The following IGF2R variants were observed in gnomAD, a reference collection of about 807,000 sequenced individuals.
IGF2R encodes insulin like growth factor 2 receptor.
Under a neutral mutation model 270.6 loss-of-function variants are expected in IGF2R, and 91 were observed. The observed-to-expected ratio is 0.34, with a 90% CI of 0.28 to 0.40. The LOEUF is 0.40. IGF2R is among the 10% of genes least tolerant of loss of function. The pLI is 1.00. For missense variants in IGF2R, 2,805 were observed against 3,188.3 expected, an observed-to-expected ratio of 0.88 and a Z score of 2.90; for synonymous variants, 1,316 against 1,258.9, an observed-to-expected ratio of 1.05 and a Z score of -0.96.
chr6:159,990,938 A>G (rs553151682), intron 1 of IGF2R, among the ~76,000 whole-genome samples: 40 of 152,274 alleles, frequency 2.6e-4, no homozygotes, highest in Admixed American at 2.4e-3. Context: ...AGATACTTCT[A>G]TTTTGATAAT....
intron 1 of IGF2R, among the ~76,000 whole-genome samples, chr6:159,974,029 A>G (rs1267615301): frequency 6.6e-6 from 1 of 152,160 alleles, no homozygotes; most frequent in East Asian, 1.9e-4. Flanking sequence ...ATGGTGTATG[A>G]GGAGGTGGGC....
At chr6:160,048,791 A>G (rs990009794) in intron 18 of IGF2R, among the ~76,000 whole-genome samples, 8 of 152,272 alleles carry the variant, frequency 5.3e-5, no homozygotes, top group African/African-American at 1.9e-4. Context: ...GGGCAGAGGA[A>G]GCACCGAATG....
chr6:160,043,932 C>T (rs1482860903), intron 12 of IGF2R, among the ~76,000 whole-genome samples: 1 of 152,156 alleles, frequency 6.6e-6, no homozygotes, highest in African/African-American at 2.4e-5. Flanking sequence ...GCTGGTGTGT[C>T]TTTAAAAGCA....
intron 32 of IGF2R, 141 bp downstream of exon 32, chr6:160,072,177 G>T: frequency 2.0e-6 from 2 of 1,011,536 alleles, no homozygotes; most frequent in East Asian, 5.0e-5. Context: ...GTGTGGGTGT[G>T]TTTGGCCTTT....
chr6:160,032,189 C>T (rs141614365), intron 7 of IGF2R, among the ~76,000 whole-genome samples: 19 of 152,286 alleles, frequency 1.2e-4, no homozygotes, highest in African/African-American at 3.9e-4. Context: ...GGCCTGTTAG[C>T]GCTTGCCGAT....
intron 10 of IGF2R, 146 bp downstream of exon 10, chr6:160,034,668 G>A (rs1008686791): frequency 1.9e-6 from 1 of 520,474 alleles, no homozygotes; most frequent in Non-Finnish European, 3.5e-6. Flanking sequence ...CCCCCAGACT[G>A]GGTTTTTTCT....
rs1199865335 is a variant in IGF2R at position 160,050,596 on chromosome 6, G to A, written c.2638G>A (p.Gly880Ser). ...TGGGTCGGCCTGCACCACCAGCGAT[G>A]GCAGACAGACCACATATACCACGAG... ...VNGSACTTSD[G>S]RQTTYTTRIH... Residue 880 changes from glycine (G) to serine (S), a missense_variant, in exon 19 of 48, where the codon GGC becomes AGC. Physicochemically the swap from Gly to Ser is moderately conservative, Grantham distance 56. Coordinates refer to ENST00000356956, the MANE Select transcript of IGF2R (RefSeq NM_000876.4). The surrounding 1 kb of genome is among the most constrained non-coding windows in gnomAD (Gnocchi z 4.0). The A allele has an allele frequency of 1.9e-6, 3 of 1,614,038 alleles. No homozygotes were observed. Among genetic ancestry groups the A allele is most frequent in the Non-Finnish European group, 2.5e-6 (3 of 1,179,910 alleles).
At chr6:159,977,503 A>T (rs529595215) in intron 1 of IGF2R, among the ~76,000 whole-genome samples, 1 of 152,322 alleles carries the variant, frequency 6.6e-6, no homozygotes, top group Non-Finnish European at 1.5e-5. Context: ...TGTTCTGCCA[A>T]GACACAGCTG....
chr6:160,105,141 A>G lies in IGF2R; in HGVS notation c.*57A>G. 1 of 1,372,364 alleles carries G rather than the reference A, an allele frequency of 7.3e-7. No homozygotes were observed. The highest frequency in any genetic ancestry group is 1.5e-5 in the African/African-American group (1 of 68,346). The allele number at this position is 1,372,364 out of a possible 1,614,324, so 85.0% of individuals were successfully genotyped here. On this transcript the variant is annotated 3_prime_UTR_variant, in exon 48 of 48. Coordinates refer to ENST00000356956, the MANE Select transcript of IGF2R (RefSeq NM_000876.4). Reference sequence around the variant, plus strand: ...GCGGGACAGCCAAGCACCTCCAACCAAATAAGACTTCCACTCGATGATGCT... The same window carrying G: ...GCGGGACAGCCAAGCACCTCCAACCGAATAAGACTTCCACTCGATGATGCT...
intron 33 of IGF2R, 79 bp downstream of exon 33, chr6:160,072,963 G>T (rs886577586): frequency 2.6e-6 from 4 of 1,524,564 alleles, no homozygotes; most frequent in Non-Finnish European, 3.5e-6. Flanking sequence ...CATGCTAATG[G>T]CAAAAAGGAT....
chr6:160,075,034 G>A (rs1583294040), intron 35 of IGF2R, among the ~76,000 whole-genome samples: 1 of 152,146 alleles, frequency 6.6e-6, no homozygotes, highest in Non-Finnish European at 1.5e-5. Flanking sequence ...TGGTCTGAAC[G>A]TGCCCCACAG....
At chr6:160,097,560 C>T (rs1779392155) in intron 45 of IGF2R, among the ~76,000 whole-genome samples, 1 of 152,208 alleles carries the variant, frequency 6.6e-6, no homozygotes, top group South Asian at 2.1e-4. Flanking sequence ...GAACTCCTCA[C>T]CTCAGATAAT....
In IGF2R at chr6:159,990,546, C is replaced by CT. The variant is rs559195698; in HGVS notation, c.150-636dup. On this transcript the variant is annotated intron_variant, in intron 1 of 47. Transcript: ENST00000356956. Reference sequence around the variant, plus strand: ...CTCTTTCCTTTATAAATTACCCAGTCTTGAGTATGTCTTTATTAGCAGTGT... The same window carrying CT: ...CTCTTTCCTTTATAAATTACCCAGTCTTTGAGTATGTCTTTATTAGCAGTGT... Among the ~76,000 whole-genome samples, 463 of 152,302 alleles carry CT rather than the reference C, an allele frequency of 3.0e-3. 3 individuals carry two copies. The highest frequency in any genetic ancestry group is 0.01 in the African/African-American group (429 of 41,566).
intron 10 of IGF2R, 66 bp downstream of exon 10, chr6:160,034,588 C>A: frequency 9.6e-7 from 1 of 1,046,480 alleles, no homozygotes; most frequent in Non-Finnish European, 1.5e-6. Context: ...TGTGTGTGCA[C>A]AGGCGTGTTC....
intron 41 of IGF2R, among the ~76,000 whole-genome samples, chr6:160,086,946 A>T (rs1187340782): frequency 1.3e-5 from 2 of 151,612 alleles, no homozygotes; most frequent in African/African-American, 4.9e-5. Flanking sequence ...TGGAGACATC[A>T]TCTGTCCATG....
chr6:160,064,978 G>A (rs1778532913), intron 29 of IGF2R, 77 bp downstream of exon 29: 5 of 937,974 alleles, frequency 5.3e-6, no homozygotes, highest in African/African-American at 3.2e-5. Flanking sequence ...GTGGTCTTGG[G>A]TGCAGGGGAT....
At position 160,058,018 on chromosome 6, in the gene IGF2R, T is replaced by C. The variant is rs746823643; in HGVS notation, c.2797-5T>C. ...GCCCCTTTTTCCCCATTTTGTTTCC[T>C]GTAGGCTTGCTCTATAAGGGATCCC... On this transcript the variant is annotated splice_region_variant and splice_polypyrimidine_tract_variant and intron_variant, in intron 20 of 47. Coordinates refer to ENST00000356956, the MANE Select transcript of IGF2R (RefSeq NM_000876.4). The C allele has an allele frequency of 6.2e-7, 1 of 1,604,086 alleles. No individual in the cohort carries two copies. Among genetic ancestry groups the C allele is most frequent in the Admixed American group, 1.7e-5 (1 of 59,924 alleles).
chr6:160,015,871 A>G (rs947920698), intron 4 of IGF2R, among the ~76,000 whole-genome samples: 1 of 152,022 alleles, frequency 6.6e-6, no homozygotes, highest in Non-Finnish European at 1.5e-5. Context: ...GGTTGTTTCA[A>G]AGTTTCTGGT....
chr6:160,099,154 G>A (rs1461268576), intron 45 of IGF2R, among the ~76,000 whole-genome samples: 1 of 152,234 alleles, frequency 6.6e-6, no homozygotes, highest in Admixed American at 6.5e-5. Context: ...AATACCAGGA[G>A]AGCAGATACA....
Sources: gnomAD v4.1 joint callset for allele counts (sites outside exome capture counted in the v4.1 genomes callset) on GRCh38, gnomAD v4.1.1 for gene constraint, Gnocchi (gnomAD v3.1) non-coding constraint, MANE v1.5 for transcripts, NCBI Gene and HGNC (gene_info 2026-07-23, HGNC 2026-07-21) for gene names.